SIGLECL1: variants seen among roughly 807,000 people sequenced by gnomAD.
SIGLECL1 encodes SIGLEC family-like protein 1.
A neutral mutation model predicts 19.1 loss-of-function variants in SIGLECL1; 16 were observed. The observed-to-expected ratio is 0.84, with a 90% CI of 0.57 to 1.27. The LOEUF (loss-of-function observed/expected upper bound fraction) is 1.27. SIGLECL1 is among the 50% of genes most tolerant of loss of function. The probability of loss-of-function intolerance (pLI) is 0.00; values close to 1 mark genes in which losing one functional copy is unlikely to be tolerated. For synonymous variants in SIGLECL1, 89 were observed against 90.4 expected (o/e 0.98, Z 0.09); for missense variants, 210 against 239.4 (o/e 0.88, Z 0.81).
chr19:51,254,827 A>C (rs528652886), intron 1 of SIGLECL1, among the ~76,000 whole-genome samples: 41 of 152,310 alleles, frequency 2.7e-4, no homozygotes, highest in African/African-American at 9.4e-4. Context: ...AAAATAAAAA[A>C]ATTAATTATA....
upstream of SIGLECL1, among the ~76,000 whole-genome samples, chr19:51,250,795 A>T (rs1190828298): frequency 6.6e-6 from 1 of 152,196 alleles, no homozygotes; most frequent in Non-Finnish European, 1.5e-5. Flanking sequence ...AATTGGGCAC[A>T]AAGGTTGGAG....
rs769470669 is a variant in SIGLECL1, at chr19:51,268,600, C to T, written c.*3C>T. ...AGCAAGATAAACGAGCCAGCTAAGC[C>T]TGTGGAACATGCCTCATACCTGGAG... On this transcript the variant is annotated 3_prime_UTR_variant, in exon 6 of 6. Transcript: ENST00000601727. 20 of 1,613,778 alleles carry T rather than the reference C, an allele frequency of 1.2e-5. No homozygotes were observed. The highest frequency in any genetic ancestry group is 2.5e-6 in the Non-Finnish European group (3 of 1,179,974).
intron 2 of SIGLECL1, chr19:51,264,545 A>C (rs1438422100): frequency 6.5e-6 from 1 of 153,626 alleles, no homozygotes; most frequent in Non-Finnish European, 1.4e-5. Flanking sequence ...GCTACTGGTT[A>C]GGGGAAAATT....
intron 1 of SIGLECL1, among the ~76,000 whole-genome samples, chr19:51,260,318 G>T (rs542766354): frequency 4.6e-5 from 7 of 152,068 alleles, no homozygotes; most frequent in South Asian, 2.1e-4. Context: ...ATTTTGCCCG[G>T]TTTTTTTCAA....
chr19:51,255,775 G>A (rs939175355), intron 1 of SIGLECL1, among the ~76,000 whole-genome samples: 7 of 152,126 alleles, frequency 4.6e-5, no homozygotes, highest in Non-Finnish European at 1.0e-4. Context: ...TATCAAGAAG[G>A]CAAAAGATAG....
At position 51,267,423 on chromosome 19, in the gene SIGLECL1, CA is replaced by C. The variant is rs1568447078; in HGVS notation, c.467del (p.Lys156ArgfsTer15). ...KQAKKAAAIR[A>X]KKSSKVRASQ... ...GCGAAGAAAGCTGCAGCGATCAGAG[CA>C]AAAAAGAGCTCTAAAGTCAGAGCAA... On this transcript the variant is annotated frameshift_variant, in exon 5 of 6. Transcript: ENST00000601727. LOFTEE classifies it high-confidence loss of function. 6.2e-7 allele frequency: 1 copy of C among 1,613,856 alleles called. No individual in the cohort carries two copies. Among genetic ancestry groups the C allele is most frequent in the Non-Finnish European group, 8.5e-7 (1 of 1,179,960 alleles).
At chr19:51,259,008 A>G (rs2123411550) in intron 1 of SIGLECL1, among the ~76,000 whole-genome samples, 1 of 152,314 alleles carries the variant, frequency 6.6e-6, no homozygotes, top group South Asian at 2.1e-4. Flanking sequence ...AATCAAGATA[A>G]ATGACAAAAG....
At chr19:51,260,178 T>C (rs1199112427) in intron 1 of SIGLECL1, among the ~76,000 whole-genome samples, 1 of 152,144 alleles carries the variant, frequency 6.6e-6, no homozygotes, top group Non-Finnish European at 1.5e-5. Context: ...CCCCTACAAA[T>C]GATAAAATAA....
intron 1 of SIGLECL1, 149 bp downstream of exon 1, chr19:51,251,694 T>G (rs1409539331): frequency 1.3e-5 from 2 of 152,334 alleles, no homozygotes; most frequent in African/African-American, 4.8e-5. Context: ...AGTCGGTCTC[T>G]TGGTAAGTTA....
At chr19:51,248,808 G>T (rs1982347168), upstream of SIGLECL1, among the ~76,000 whole-genome samples, 1 of 152,178 alleles carries the variant, frequency 6.6e-6, no homozygotes, top group Admixed American at 6.5e-5. Context: ...TCAACTTGCA[G>T]TTTCTGATTG....
chr19:51,258,491 T>G (rs1207432933), intron 1 of SIGLECL1, among the ~76,000 whole-genome samples: 1 of 152,222 alleles, frequency 6.6e-6, no homozygotes, highest in African/African-American at 2.4e-5. Context: ...CCCAAGGAGC[T>G]GACCCACTGG....
chr19:51,251,885 T>C (rs892212944), intron 1 of SIGLECL1, among the ~76,000 whole-genome samples: 2 of 152,152 alleles, frequency 1.3e-5, no homozygotes, highest in African/African-American at 4.8e-5. Context: ...CACACCCTGC[T>C]AAGGAAATAC....
At chr19:51,247,305 AC>A (rs1327984460), upstream of SIGLECL1, among the ~76,000 whole-genome samples, 7 of 152,226 alleles carry the variant, frequency 4.6e-5, no homozygotes, top group Non-Finnish European at 7.3e-5. Flanking sequence ...GCAAAAAAGC[AC>A]CAAATTGAGA....
Position 51,251,882 on chromosome 19 carries a change from T to G in SIGLECL1, c.-191+337T>G, listed in dbSNP as rs1290111922. On this transcript the variant is annotated intron_variant, in intron 1 of 5. Coordinates refer to ENST00000601727, the MANE Select transcript of SIGLECL1 (RefSeq NM_001385465.1). ...GAACACCTTTGCATCACTCACACCC[T>G]GCTAAGGAAATACACAGATGGAAGT... 7.2e-5 allele frequency among the ~76,000 whole-genome samples: 11 copies of G among 152,140 alleles called. 1 individual carries two copies. Among genetic ancestry groups the G allele is most frequent in the Non-Finnish European group, 1.5e-4 (10 of 68,028 alleles).
intron 1 of SIGLECL1, among the ~76,000 whole-genome samples, chr19:51,255,688 A>T (rs1461504977): frequency 1.3e-5 from 2 of 152,230 alleles, no homozygotes; most frequent in African/African-American, 2.4e-5. Flanking sequence ...TATATAAAAA[A>T]AATGCCTGAC....
chr19:51,250,418 G>C (rs1469133695), upstream of SIGLECL1, among the ~76,000 whole-genome samples: 1 of 152,116 alleles, frequency 6.6e-6, no homozygotes, highest in African/African-American at 2.4e-5. Context: ...TGTTTTATCA[G>C]CAAGGTCTTT....
chr19:51,267,635 G>T (rs1983779400), intron 5 of SIGLECL1, 106 bp downstream of exon 5: 1 of 1,306,628 alleles, frequency 7.7e-7, no homozygotes, highest in Admixed American at 2.1e-5. Context: ...CCTCAGTCTT[G>T]CAGGATACCT....
At chr19:51,255,959 A>C (rs898331485) in intron 1 of SIGLECL1, 3 of 152,218 alleles carry the variant, frequency 2.0e-5, no homozygotes, top group Non-Finnish European at 4.4e-5. Flanking sequence ...AAATGAACTC[A>C]GTATCTTGAA....
Position 51,267,471 on chromosome 19 carries a change from T to C in SIGLECL1, c.509T>C (p.Leu170Pro). ...GCAAGCCAAGAACTTGAGATGTCTCTGAAGCCTGAGGAACCAGGAAAACCC... is the reference window on the plus strand; with the variant it reads ...GCAAGCCAAGAACTTGAGATGTCTCCGAAGCCTGAGGAACCAGGAAAACCC... ...VRASQELEMS[L>P]KPEEPGKPVV... Residue 170 changes from leucine (L) to proline (P), a missense_variant, in exon 5 of 6, where the codon CTG becomes CCG. Coordinates refer to ENST00000601727, the MANE Select transcript of SIGLECL1 (RefSeq NM_001385465.1). The C allele has an allele frequency of 6.2e-7, 1 of 1,614,212 alleles. No homozygotes were observed. Among genetic ancestry groups the C allele is most frequent in the Non-Finnish European group, 8.5e-7 (1 of 1,180,040 alleles).
Sources: allele counts gnomAD v4.1 joint callset (sites outside exome capture counted in the v4.1 genomes callset), GRCh38; gene constraint gnomAD v4.1.1; transcripts MANE v1.5; gene names NCBI Gene and HGNC (gene_info 2026-07-23, HGNC 2026-07-21).